Variants in KIAA2012 observed in about 807,000 individuals in gnomAD.
The protein encoded by KIAA2012 is uncharacterized protein KIAA2012.
KIAA2012 carries 125 observed loss-of-function variants against 150.6 expected under a neutral mutation model. The observed-to-expected ratio is 0.83, with a 90% CI of 0.72 to 0.96. The LOEUF is 0.96. Ranked by LOEUF, KIAA2012 falls within the 40% of genes least tolerant of loss-of-function variation. The pLI is 0.00. For missense variants in KIAA2012, 1,219 were observed against 1,354.9 expected, an observed-to-expected ratio of 0.90 and a Z score of 1.57; for synonymous variants, 462 against 504.7, an observed-to-expected ratio of 0.92 and a Z score of 1.13.
At chr2:202,183,018 GA>G (rs1367272151) in intron 15 of KIAA2012, among the ~76,000 whole-genome samples, 2 of 152,124 alleles carry the variant, frequency 1.3e-5, no homozygotes, top group African/African-American at 2.4e-5. Flanking sequence ...TCTTGGTCTG[GA>G]GACTCTTCAT....
intron 12 of KIAA2012, chr2:202,125,678 T>C (rs1690765683): frequency 2.9e-6 from 1 of 345,768 alleles, no homozygotes. Context: ...TAGGAGCCGA[T>C]CTGGGAAAGA....
intron 12 of KIAA2012, among the ~76,000 whole-genome samples, chr2:202,129,392 G>T (rs1690872411): frequency 6.6e-6 from 1 of 151,840 alleles, no homozygotes; most frequent in Admixed American, 6.6e-5. Flanking sequence ...GCTAATTTTT[G>T]TAATTTTAGT....
intron 14 of KIAA2012, among the ~76,000 whole-genome samples, chr2:202,161,816 C>T (rs1691663985): frequency 6.6e-6 from 1 of 152,130 alleles, no homozygotes; most frequent in Non-Finnish European, 1.5e-5. Flanking sequence ...ACCTGGCACA[C>T]AGCAGACACT....
chr2:202,171,513 G>A (rs926825642), intron 15 of KIAA2012, among the ~76,000 whole-genome samples: 8 of 152,172 alleles, frequency 5.3e-5, no homozygotes, highest in Non-Finnish European at 8.8e-5. Context: ...GGAGCTCCTC[G>A]CTGGTGAGCT....
chr2:202,078,577 C>A (rs2105907981), intron 2 of KIAA2012, among the ~76,000 whole-genome samples: 1 of 152,282 alleles, frequency 6.6e-6, no homozygotes, highest in Non-Finnish European at 1.5e-5. Flanking sequence ...GTGTGAGCCA[C>A]CATGCCTGGC....
chr2:202,125,479 G>T (rs903774965), intron 12 of KIAA2012, among the ~76,000 whole-genome samples, 197 bp downstream of exon 12: 5 of 152,226 alleles, frequency 3.3e-5, no homozygotes, highest in African/African-American at 1.2e-4. Flanking sequence ...CCCGTGGTCT[G>T]AGTGTAAATA....
chr2:202,188,198 A>G lies in KIAA2012; in HGVS notation c.2423A>G (p.Lys808Arg). The G allele has an allele frequency of 6.4e-7, 1 of 1,550,748 alleles. No individual in the cohort carries two copies. Among genetic ancestry groups the G allele is most frequent in the Middle Eastern group, 1.7e-4 (1 of 5,992 alleles). The change falls in exon 18 of 24, where the codon AAA becomes AGA. Residue 808 changes from lysine (K) to arginine (R), a missense_variant. Physicochemically the swap from Lys to Arg is conservative, Grantham distance 26. Transcript: ENST00000498697. ...NEAKRKEKPK[K>R]DKTKGPKSER... ...GCCAAGAGAAAGGAAAAACCCAAGAAAGACAAAACCAAAGGACCCAAAAGC... is the reference window on the plus strand; with the variant it reads ...GCCAAGAGAAAGGAAAAACCCAAGAGAGACAAAACCAAAGGACCCAAAAGC...
intron 15 of KIAA2012, among the ~76,000 whole-genome samples, chr2:202,184,241 G>C (rs145657851): frequency 6.6e-6 from 1 of 151,882 alleles, no homozygotes; most frequent in East Asian, 1.9e-4. Context: ...AAAATTAGTC[G>C]GGTGTGGTGG....
chr2:202,100,330 C>T lies in KIAA2012; in HGVS notation c.1036C>T (p.His346Tyr). The T allele has an allele frequency of 6.4e-7, 1 of 1,550,474 alleles. No individual in the cohort carries two copies. Among genetic ancestry groups the T allele is most frequent in the Non-Finnish European group, 8.7e-7 (1 of 1,146,920 alleles). The change falls in exon 7 of 24, where the codon CAC (histidine) becomes TAC (tyrosine). Residue 346 changes from histidine to tyrosine, a missense_variant. Transcript: ENST00000498697. Reference protein sequence around the residue: ...LSDKQRNVKLHKARSSHLLQV... With the variant: ...LSDKQRNVKLYKARSSHLLQV... ...AGATAAACAAAGGAACGTGAAACTC[C>T]ACAAGGCCAGAAGCAGCCACTTGTT...
intron 23 of KIAA2012, among the ~76,000 whole-genome samples, chr2:202,204,128 G>A (rs1692591267): frequency 6.7e-6 from 1 of 150,030 alleles, no homozygotes; most frequent in Non-Finnish European, 1.5e-5. Context: ...CCAAACTAGA[G>A]TGCAGTGGCG....
At chr2:202,083,927 A>G (rs540986352) in intron 2 of KIAA2012, among the ~76,000 whole-genome samples, 2 of 152,298 alleles carry the variant, frequency 1.3e-5, no homozygotes, top group South Asian at 4.1e-4. Context: ...GGAAAAATCT[A>G]GAGTGGCTTC....
intron 9 of KIAA2012, among the ~76,000 whole-genome samples, chr2:202,108,761 T>TA (rs1157422766): frequency 6.6e-6 from 1 of 152,256 alleles, no homozygotes; most frequent in Non-Finnish European, 1.5e-5. Flanking sequence ...TTAAAGGTGA[T>TA]ATCTGCCCCA....
intron 16 of KIAA2012, 66 bp from the exon 17 acceptor site, chr2:202,186,867 C>A: frequency 6.6e-7 from 1 of 1,504,112 alleles, no homozygotes; most frequent in Non-Finnish European, 9.0e-7. Flanking sequence ...TGTTGGCTCA[C>A]TTGCCCTCTT....
intron 2 of KIAA2012, among the ~76,000 whole-genome samples, chr2:202,076,327 G>C (rs1689323771): frequency 1.3e-5 from 2 of 152,108 alleles, no homozygotes; most frequent in African/African-American, 4.8e-5. Flanking sequence ...ACTTGGTCAT[G>C]CATGATATTT....
intron 2 of KIAA2012, among the ~76,000 whole-genome samples, chr2:202,076,753 C>G (rs1236450671): frequency 6.6e-6 from 1 of 152,178 alleles, no homozygotes; most frequent in Non-Finnish European, 1.5e-5. Context: ...ATACTTTGCA[C>G]TCTGCCCTGT....
intron 10 of KIAA2012, 63 bp downstream of exon 10, chr2:202,109,852 C>T (rs764214570): frequency 6.5e-5 from 90 of 1,390,832 alleles, no homozygotes; most frequent in Non-Finnish European, 8.5e-5. Flanking sequence ...TTGCCAGGGC[C>T]GCATGGCTGC....
At position 202,202,546 on chromosome 2, in the gene KIAA2012, C is replaced by A; in HGVS notation, c.3525C>A (p.Phe1175Leu). The change falls in exon 23 of 24, where the codon TTC becomes TTA. Residue 1175 changes from phenylalanine (F) to leucine (L), a missense_variant. Phe to Leu is a conservative substitution (Grantham distance 22). Transcript: ENST00000498697. Reference sequence around the variant, plus strand: ...CATGGGTTTACTCTTATTTCCAGTTCCTACAAATACCCAGGCCTTAAGGCT... The same window carrying A: ...CATGGGTTTACTCTTATTTCCAGTTACTACAAATACCCAGGCCTTAAGGCT... ...SRPWVYSYFQ[F>L]LQIPRP 1 of 398,960 alleles carries A rather than the reference C, an allele frequency of 2.5e-6. No homozygotes were observed. Among genetic ancestry groups the A allele is most frequent in the Non-Finnish European group, 4.4e-6 (1 of 226,066 alleles). The allele number at this position is 398,960 out of a possible 1,614,324, so 24.7% of individuals were successfully genotyped here.
chr2:202,164,943 T>C (rs1470813459), intron 14 of KIAA2012, among the ~76,000 whole-genome samples: 1 of 125,508 alleles, frequency 8.0e-6, no homozygotes, highest in African/African-American at 2.6e-5. Context: ...TGGCTTTTTC[T>C]TTTTTTTTTT....
chr2:202,088,897 A>C (rs1396393789), intron 2 of KIAA2012, among the ~76,000 whole-genome samples: 8 of 152,130 alleles, frequency 5.3e-5, no homozygotes, highest in Admixed American at 2.6e-4. Context: ...CATTTTAGAG[A>C]CAGGTTCAGA....
Sources: allele counts gnomAD v4.1 joint callset (sites outside exome capture counted in the v4.1 genomes callset), GRCh38; gene constraint gnomAD v4.1.1; transcripts MANE v1.5; gene names NCBI Gene and HGNC (gene_info 2026-07-23, HGNC 2026-07-21).